Variants in KANSL2 observed in about 807,000 individuals in gnomAD.
The protein encoded by KANSL2 is KAT8 regulatory NSL complex subunit 2.
Under a neutral mutation model 55.6 loss-of-function variants are expected in KANSL2, and 34 were observed. That is an observed-to-expected ratio of 0.61 (90% confidence interval 0.46 to 0.81). The LOEUF (loss-of-function observed/expected upper bound fraction) is 0.81. Among genes scored for constraint, KANSL2 ranks in the 40% least tolerant of loss-of-function variants. The probability of loss-of-function intolerance (pLI) is 0.00; values close to 1 mark genes in which losing one functional copy is unlikely to be tolerated. For missense variants in KANSL2, 502 were observed against 609.9 expected (o/e 0.82, Z 1.86); for synonymous variants, 209 against 214.3 (o/e 0.98, Z 0.22).
At chr12:48,670,507 C>A (rs947714532) in intron 5 of KANSL2, among the ~76,000 whole-genome samples, 11 of 151,928 alleles carry the variant, frequency 7.2e-5, no homozygotes, top group African/African-American at 2.4e-4. Flanking sequence ...GGCTAATGTA[C>A]GTGTTTGCAT....
intron 4 of KANSL2, among the ~76,000 whole-genome samples, chr12:48,674,915 G>C (rs1939792525): frequency 6.7e-6 from 1 of 149,718 alleles, no homozygotes; most frequent in Non-Finnish European, 1.5e-5. Context: ...GACAGAACGA[G>C]ACTCTGTCTC....
At chr12:48,667,911 G>T in intron 6 of KANSL2, 122 bp from the exon 7 acceptor site, 1 of 712,496 alleles carries the variant, frequency 1.4e-6, no homozygotes, top group Non-Finnish European at 2.4e-6. Flanking sequence ...AACAAAAATA[G>T]ATTCACCAAT....
chr12:48,659,045 G>A (rs1939442441), intron 8 of KANSL2, among the ~76,000 whole-genome samples: 1 of 152,136 alleles, frequency 6.6e-6, no homozygotes, highest in South Asian at 2.1e-4. Context: ...TATAATCCCA[G>A]CACTTTGGGA....
intron 4 of KANSL2, 62 bp downstream of exon 4, chr12:48,678,974 T>C: frequency 1.7e-6 from 2 of 1,158,534 alleles, no homozygotes; most frequent in Non-Finnish European, 2.6e-6. Flanking sequence ...ATTAACAGCA[T>C]GCAGCACTAC....
chr12:48,671,063 G>T (rs7313457), intron 5 of KANSL2, among the ~76,000 whole-genome samples: 1 of 152,060 alleles, frequency 6.6e-6, no homozygotes, highest in Non-Finnish European at 1.5e-5. Flanking sequence ...CAGGAGTTCC[G>T]AGAGCAGCCT....
chr12:48,662,021 C>T (rs1271049413), intron 7 of KANSL2, among the ~76,000 whole-genome samples: 1 of 152,210 alleles, frequency 6.6e-6, no homozygotes, highest in African/African-American at 2.4e-5. Context: ...CAGATTTGCA[C>T]TATGCGCTTA....
chr12:48,670,448 G>A (rs960429556), intron 5 of KANSL2, among the ~76,000 whole-genome samples: 1 of 152,142 alleles, frequency 6.6e-6, no homozygotes, highest in Non-Finnish European at 1.5e-5. Flanking sequence ...CTTCCACTGG[G>A]ACAAGATGTG....
intron 8 of KANSL2, among the ~76,000 whole-genome samples, chr12:48,657,364 G>A (rs1939405536): frequency 6.6e-6 from 1 of 152,112 alleles, no homozygotes; most frequent in Non-Finnish European, 1.5e-5. Context: ...GGCAGAGGTT[G>A]CAGTGAGCCG....
intron 7 of KANSL2, chr12:48,662,628 G>A (rs1565605361): frequency 3.9e-6 from 5 of 1,287,762 alleles, no homozygotes; most frequent in Non-Finnish European, 5.1e-6. Context: ...AGAGTTAACA[G>A]GTCACCAATG....
chr12:48,654,893 G>C, intron 9 of KANSL2, 48 bp downstream of exon 9: 1 of 1,547,890 alleles, frequency 6.5e-7, no homozygotes, highest in Non-Finnish European at 8.7e-7. Flanking sequence ...CCCTCTGCCT[G>C]GCCAGGTCAC....
intron 4 of KANSL2, among the ~76,000 whole-genome samples, chr12:48,677,796 A>AAAAAAAAAAAAAAAAAAAAAAAT (rs1254608124): frequency 6.6e-6 from 1 of 151,150 alleles, no homozygotes; most frequent in African/African-American, 2.4e-5. Context: ...AAAAAAAAAA[A>AAAAAAAAAAAAAAAAAAAAAAAT]AAAAAAAAAA....
At chr12:48,672,253 T>C (rs1939726927) in intron 4 of KANSL2, among the ~76,000 whole-genome samples, 1 of 151,786 alleles carries the variant, frequency 6.6e-6, no homozygotes, top group African/African-American at 2.4e-5. Context: ...CGGAACACTT[T>C]AAACTTTTAT....
At chr12:48,674,157 T>C (rs1939779195) in intron 4 of KANSL2, among the ~76,000 whole-genome samples, 1 of 152,218 alleles carries the variant, frequency 6.6e-6, no homozygotes, top group Non-Finnish European at 1.5e-5. Flanking sequence ...TTTTTCGTTT[T>C]TAAGACAGAG....
intron 4 of KANSL2, among the ~76,000 whole-genome samples, chr12:48,674,133 T>C (rs1939778638): frequency 6.6e-6 from 1 of 152,024 alleles, no homozygotes; most frequent in East Asian, 1.9e-4. Flanking sequence ...AGTCAAAAAA[T>C]TATGCTTTAT....
chr12:48,666,717 AAAAT>A (rs1565606499), intron 7 of KANSL2, among the ~76,000 whole-genome samples: 1 of 151,998 alleles, frequency 6.6e-6, no homozygotes, highest in South Asian at 2.1e-4. Flanking sequence ...ATAATAAAAT[AAAAT>A]AAATAATTAG....
At chr12:48,668,817 A>G (rs1939650889) in intron 6 of KANSL2, among the ~76,000 whole-genome samples, 1 of 152,198 alleles carries the variant, frequency 6.6e-6, no homozygotes, top group Admixed American at 6.5e-5. Context: ...CGAGGTGGGT[A>G]GATCACGAGG....
chr12:48,671,561 C>T (rs775501182), intron 5 of KANSL2, among the ~76,000 whole-genome samples: 6 of 152,114 alleles, frequency 3.9e-5, no homozygotes, highest in South Asian at 2.1e-4. Context: ...TTTAGGTACA[C>T]AAATACCACT....
At chr12:48,671,132 G>C (rs1486612396) in intron 5 of KANSL2, among the ~76,000 whole-genome samples, 1 of 152,048 alleles carries the variant, frequency 6.6e-6, no homozygotes, top group Non-Finnish European at 1.5e-5. Context: ...GGGCATGGTG[G>C]AATGTGCCTG....
At chr12:48,678,137 T>C (rs181524349) in intron 4 of KANSL2, among the ~76,000 whole-genome samples, 1 of 152,250 alleles carries the variant, frequency 6.6e-6, no homozygotes, top group Admixed American at 6.5e-5. Context: ...AAAAGCCCAA[T>C]AGTCAATCTA....
Sources: gnomAD v4.1 joint callset for allele counts (sites outside exome capture counted in the v4.1 genomes callset) on GRCh38, gnomAD v4.1.1 for gene constraint, MANE v1.5 for transcripts, NCBI Gene and HGNC (gene_info 2026-07-23, HGNC 2026-07-21) for gene names.